Variants in PDZRN4 observed in about 807,000 individuals in gnomAD.
PDZRN4 encodes PDZ domain-containing RING finger protein 4.
A neutral mutation model predicts 99.0 loss-of-function variants in PDZRN4; 70 were observed. The observed-to-expected ratio is 0.71, with a 90% CI of 0.58 to 0.86. PDZRN4 has a LOEUF of 0.86. Ranked by LOEUF, PDZRN4 falls within the 40% of genes least tolerant of loss-of-function variation. PDZRN4 has a pLI of 0.00. For missense variants in PDZRN4, 1,474 were observed against 1,331.2 expected (o/e 1.11, Z -1.67); for synonymous variants, 551 against 501.6 (o/e 1.10, Z -1.32).
At position 41,572,075 on chromosome 12, in the gene PDZRN4, G is replaced by A. The variant is rs1297716227; in HGVS notation, c.1585-289G>A. On this transcript the variant is annotated intron_variant, in intron 9 of 9. Coordinates refer to ENST00000402685, the MANE Select transcript of PDZRN4 (RefSeq NM_001164595.2). Reference sequence around the variant, plus strand: ...ACACCTTCAACCCCGAGTTTCCCAAGTAAGAGAAAACCTAAAGAATCACTT... The same window carrying A: ...ACACCTTCAACCCCGAGTTTCCCAAATAAGAGAAAACCTAAAGAATCACTT... Among the ~76,000 whole-genome samples the A allele has an allele frequency of 2.6e-5, 4 of 152,254 alleles. No homozygotes were observed. The South Asian group carries it at 6.2e-4, about 24-fold the overall frequency.
chr12:41,356,478 G>A (rs144601066), intron 3 of PDZRN4, among the ~76,000 whole-genome samples: 3 of 151,932 alleles, frequency 2.0e-5, no homozygotes, highest in Non-Finnish European at 2.9e-5. Context: ...CTTATTCCTT[G>A]ATAGTCTACA....
chr12:41,399,204 T>C (rs1952272361), intron 3 of PDZRN4, among the ~76,000 whole-genome samples: 1 of 152,098 alleles, frequency 6.6e-6, no homozygotes, highest in African/African-American at 2.4e-5. Flanking sequence ...TACATATTGA[T>C]TGCCAAAAAT....
At chr12:41,441,182 G>A (rs1229167197) in intron 3 of PDZRN4, among the ~76,000 whole-genome samples, 2 of 152,050 alleles carry the variant, frequency 1.3e-5, no homozygotes, top group African/African-American at 2.4e-5. Context: ...GCTGTTTATA[G>A]GATTTCATCT....
intron 3 of PDZRN4, among the ~76,000 whole-genome samples, chr12:41,291,008 T>C (rs1951453532): frequency 6.6e-6 from 1 of 152,090 alleles, no homozygotes; most frequent in Non-Finnish European, 1.5e-5. Context: ...GGATCTATTT[T>C]GTTTGCTTCC....
At chr12:41,516,160 C>A (rs11615166) in intron 5 of PDZRN4, among the ~76,000 whole-genome samples, 21,953 of 151,992 alleles carry the variant, frequency 0.14, 1,672 homozygotes, top group South Asian at 0.23. Context: ...TCTTTCCCAC[C>A]ACTGAACTCC....
intron 3 of PDZRN4, among the ~76,000 whole-genome samples, chr12:41,265,724 T>C (rs967433846): frequency 6.6e-6 from 1 of 152,212 alleles, no homozygotes; most frequent in African/African-American, 2.4e-5. Flanking sequence ...CACTTGTACT[T>C]AGTTATTTCA....
chr12:41,336,597 G>A (rs376806728), intron 3 of PDZRN4, among the ~76,000 whole-genome samples: 1 of 152,104 alleles, frequency 6.6e-6, no homozygotes, highest in African/African-American at 2.4e-5. Flanking sequence ...TATCAAGACA[G>A]GGGAATTGCA....
intron 3 of PDZRN4, among the ~76,000 whole-genome samples, chr12:41,203,301 C>T (rs989347339): frequency 2.0e-5 from 3 of 151,910 alleles, no homozygotes; most frequent in African/African-American, 7.2e-5. Context: ...AGAAGACTTC[C>T]TTGGTATTCT....
chr12:41,306,351 A>C (rs1352045495), intron 3 of PDZRN4, among the ~76,000 whole-genome samples: 3 of 152,158 alleles, frequency 2.0e-5, no homozygotes, highest in Non-Finnish European at 4.4e-5. Context: ...ATGATCTCTG[A>C]ATTGCCTTTG....
chr12:41,265,716 CT>C (rs1951271170), intron 3 of PDZRN4, among the ~76,000 whole-genome samples: 2 of 152,160 alleles, frequency 1.3e-5, no homozygotes, highest in African/African-American at 4.8e-5. Context: ...GCATGTACCA[CT>C]TGTACTTAGT....
At chr12:41,324,586 C>T (rs1440734926) in intron 3 of PDZRN4, among the ~76,000 whole-genome samples, 1 of 152,050 alleles carries the variant, frequency 6.6e-6, no homozygotes, top group Non-Finnish European at 1.5e-5. Context: ...ATACATGTGT[C>T]ATCAATAATA....
chr12:41,199,098 G>T (rs1421031183), intron 3 of PDZRN4, among the ~76,000 whole-genome samples: 3 of 152,096 alleles, frequency 2.0e-5, no homozygotes, highest in African/African-American at 7.2e-5. Context: ...TCTGCAAGGT[G>T]CTACCTCTGT....
At chr12:41,309,788 A>G (rs1376232040) in intron 3 of PDZRN4, among the ~76,000 whole-genome samples, 2 of 152,314 alleles carry the variant, frequency 1.3e-5, no homozygotes, top group African/African-American at 4.8e-5. Context: ...ATTTTTAAAA[A>G]ATACTTCACA....
Position 41,188,628 on chromosome 12 carries a change from C to A in PDZRN4, c.173C>A (p.Pro58His), listed in dbSNP as rs1481436712. Residue 58 changes from proline to histidine, a missense_variant, in exon 1 of 10, where the codon CCC becomes CAC. Physicochemically the swap from Pro to His is moderately conservative, Grantham distance 77 (BLOSUM62 -2). Transcript: ENST00000402685. Reference protein sequence around the residue: ...RRRRCPLQCQPLAPGELYRVL... With the variant: ...RRRRCPLQCQHLAPGELYRVL... ...CGCCGGTGCCCGCTGCAGTGCCAGC[C>A]CTTGGCGCCCGGCGAGCTGTACCGG... is the stretch of plus-strand genomic sequence containing the variant. The A allele has an allele frequency of 6.5e-7, 1 of 1,540,108 alleles. No homozygotes were observed. The highest frequency in any genetic ancestry group is 1.2e-5 in the South Asian group (1 of 84,518).
chr12:41,460,911 A>G (rs549281396), intron 3 of PDZRN4, among the ~76,000 whole-genome samples: 1 of 152,330 alleles, frequency 6.6e-6, no homozygotes, highest in African/African-American at 2.4e-5. Flanking sequence ...AGTGGATAGC[A>G]AAAGTTCTTT....
chr12:41,517,349 A>G (rs1938419155), intron 5 of PDZRN4, among the ~76,000 whole-genome samples: 1 of 152,068 alleles, frequency 6.6e-6, no homozygotes, highest in Non-Finnish European at 1.5e-5. Flanking sequence ...TACTTATGAT[A>G]CACATTCAGA....
intron 3 of PDZRN4, among the ~76,000 whole-genome samples, chr12:41,377,554 C>G (rs570143717): frequency 5.3e-5 from 8 of 152,156 alleles, no homozygotes; most frequent in Admixed American, 3.3e-4. Context: ...AGTCCAGCTA[C>G]TCGGGAGGCT....
chr12:41,312,256 T>C (rs1442574529), intron 3 of PDZRN4, among the ~76,000 whole-genome samples: 2 of 151,592 alleles, frequency 1.3e-5, no homozygotes, highest in African/African-American at 2.4e-5. Context: ...CAAACTGCTT[T>C]TATGGGGAAG....
chr12:41,537,748 T>C (rs1033992469), intron 5 of PDZRN4, among the ~76,000 whole-genome samples: 1 of 152,092 alleles, frequency 6.6e-6, no homozygotes. Context: ...TCCTGAACTG[T>C]AGCAGCAACA....
Sources: gnomAD v4.1 joint callset for allele counts (sites outside exome capture counted in the v4.1 genomes callset) on GRCh38, gnomAD v4.1.1 for gene constraint, MANE v1.5 for transcripts, NCBI Gene and HGNC (gene_info 2026-07-23, HGNC 2026-07-21) for gene names.